HPN: variants seen among roughly 807,000 people sequenced by gnomAD.
The protein encoded by HPN is hepsin, also known as serine protease hepsin.
Under a neutral mutation model 55.9 loss-of-function variants are expected in HPN, and 13 were observed. That is an observed-to-expected ratio of 0.23 (90% confidence interval 0.15 to 0.37). The LOEUF (loss-of-function observed/expected upper bound fraction) is 0.37, where lower values mean the gene tolerates loss of function less well. HPN is among the 10% of genes least tolerant of loss of function. HPN has a pLI of 1.00. For synonymous variants in HPN, 225 were observed against 240.3 expected (o/e 0.94, Z 0.59); for missense variants, 451 against 575.8 (o/e 0.78, Z 2.22).
chr19:35,041,290 G>A (rs1246539989), upstream of HPN, among the ~76,000 whole-genome samples: 1 of 152,166 alleles, frequency 6.6e-6, no homozygotes, highest in Non-Finnish European at 1.5e-5. Flanking sequence ...GGAGAGGCTG[G>A]GGCTGGGGTT....
intron 4 of HPN, among the ~76,000 whole-genome samples, chr19:35,056,932 C>A (rs2151762198): frequency 6.6e-6 from 1 of 152,178 alleles, no homozygotes; most frequent in Admixed American, 6.5e-5. Flanking sequence ...TCTTTTCTTT[C>A]TGACTATAGG....
intron 10 of HPN, 70 bp from the exon 11 acceptor site, chr19:35,065,469 G>A: frequency 8.2e-6 from 13 of 1,583,994 alleles, no homozygotes; most frequent in Non-Finnish European, 1.1e-5. Context: ...GGGGAATGGG[G>A]TGGGCACCAG....
chr19:35,044,755 G>T (rs570481209), intron 2 of HPN, among the ~76,000 whole-genome samples: 1 of 152,192 alleles, frequency 6.6e-6, no homozygotes, highest in Non-Finnish European at 1.5e-5. Context: ...TGTCTGGGGG[G>T]TACTAGGGAG....
At chr19:35,051,583 G>A (rs1412942852) in intron 4 of HPN, among the ~76,000 whole-genome samples, 1 of 152,076 alleles carries the variant, frequency 6.6e-6, no homozygotes, top group Non-Finnish European at 1.5e-5. Flanking sequence ...AAGGCTGAGT[G>A]ACTTGCCCCA....
intron 2 of HPN, among the ~76,000 whole-genome samples, chr19:35,048,103 G>T (rs1054040079): frequency 8.5e-5 from 12 of 140,676 alleles, no homozygotes; most frequent in African/African-American, 3.2e-4. Context: ...GGAAGGAAAA[G>T]AAAAAAACTG....
chr19:35,063,785 TCA>T (rs566599369), intron 9 of HPN, among the ~76,000 whole-genome samples: 98 of 152,150 alleles, frequency 6.4e-4, no homozygotes, highest in South Asian at 5.0e-3. Flanking sequence ...GCTGAGGGGG[TCA>T]CAGCATGGGC....
rs1313009188 is a variant in HPN, at chr19:35,060,646, C to G, written c.640C>G (p.Arg214Gly). The change falls in exon 9 of 13, where the codon CGA becomes GGA. Residue 214 changes from arginine (R) to glycine (G), a missense_variant. By Grantham distance (125) the Arg-to-Gly change is moderately radical (BLOSUM62 -2). Around this residue, in one of 2 missense-constraint regions of HPN, gnomAD observed 378 missense variants for 445.5 expected, o/e 0.85. Coordinates refer to ENST00000672452, the MANE Select transcript of HPN (RefSeq NM_001384133.1). Reference sequence around the variant, plus strand: ...TGGTAGGCGGAACCGGGTCCTGTCCCGATGGCGAGTGTTTGCCGGTGCCGT... The same window carrying G: ...TGGTAGGCGGAACCGGGTCCTGTCCGGATGGCGAGTGTTTGCCGGTGCCGT... ...CFPERNRVLS[R>G]WRVFAGAVAQ... 9.3e-6 allele frequency: 15 copies of G among 1,613,920 alleles called. No homozygotes were observed. The highest frequency in any genetic ancestry group is 1.2e-5 in the Non-Finnish European group (14 of 1,180,050).
chr19:35,059,842 T>A (rs1404697205), intron 5 of HPN, 32 bp from the exon 6 acceptor site: 1 of 1,523,492 alleles, frequency 6.6e-7, no homozygotes, highest in Admixed American at 2.1e-5. Flanking sequence ...CGGGAGGGGC[T>A]GGGGAGCAGG....
chr19:35,058,085 A>G (rs974575213), intron 4 of HPN, among the ~76,000 whole-genome samples: 6 of 151,578 alleles, frequency 4.0e-5, no homozygotes, highest in African/African-American at 1.5e-4. Flanking sequence ...CCCGGGAGGC[A>G]GAGGTTGCAG....
intron 11 of HPN, 42 bp downstream of exon 11, chr19:35,065,723 C>A: frequency 6.2e-7 from 1 of 1,611,898 alleles, no homozygotes; most frequent in Non-Finnish European, 8.5e-7. Context: ...CGCTGCCACC[C>A]CAGGGATGGA....
At chr19:35,060,235 C>T in intron 7 of HPN, 66 bp downstream of exon 7, 1 of 1,609,234 alleles carries the variant, frequency 6.2e-7, no homozygotes. Flanking sequence ...CCTCAAGCTC[C>T]CCAGGATGGG....
At chr19:35,046,432 G>A (rs969916288) in intron 2 of HPN, among the ~76,000 whole-genome samples, 4 of 151,944 alleles carry the variant, frequency 2.6e-5, no homozygotes, top group South Asian at 2.1e-4. Flanking sequence ...TTTAGTAGAG[G>A]CGGGGTTTCA....
chr19:35,047,646 C>T (rs931938974), intron 2 of HPN, among the ~76,000 whole-genome samples: 1 of 152,140 alleles, frequency 6.6e-6, no homozygotes, highest in Non-Finnish European at 1.5e-5. Flanking sequence ...AGGTGCCAGG[C>T]ACACAGCGGA....
At chr19:35,043,358 G>C (rs13347050) in intron 2 of HPN, among the ~76,000 whole-genome samples, 1 of 152,170 alleles carries the variant, frequency 6.6e-6, no homozygotes, top group Non-Finnish European at 1.5e-5. Flanking sequence ...GGCGCATGGA[G>C]GGGCGTCCTG....
chr19:35,048,415 G>A (rs1406263520), intron 2 of HPN, among the ~76,000 whole-genome samples: 2 of 152,234 alleles, frequency 1.3e-5, no homozygotes, highest in African/African-American at 4.8e-5. Flanking sequence ...TTAGAACGGT[G>A]CTTAGCACCT....
At chr19:35,052,909 C>A (rs34807860) in intron 4 of HPN, among the ~76,000 whole-genome samples, 20,922 of 152,170 alleles carry the variant, frequency 0.14, 1,474 homozygotes, top group African/African-American at 0.18. Flanking sequence ...ACCACTCACA[C>A]CCGGCTCTGG....
intron 10 of HPN, 75 bp downstream of exon 10, chr19:35,065,420 G>A (rs2064594828): frequency 6.4e-7 from 1 of 1,561,760 alleles, no homozygotes; most frequent in African/African-American, 1.4e-5. Context: ...CAGTCTGGCT[G>A]GTTGGATGAG....
intron 9 of HPN, 35 bp from the exon 10 acceptor site, chr19:35,065,215 C>T (rs1167512867): frequency 2.0e-6 from 3 of 1,517,130 alleles, no homozygotes; most frequent in African/African-American, 2.7e-5. Flanking sequence ...TGGGGCAGGC[C>T]AGCGGGGGCT....
At chr19:35,047,032 G>C (rs1432943900) in intron 2 of HPN, among the ~76,000 whole-genome samples, 2 of 152,092 alleles carry the variant, frequency 1.3e-5, no homozygotes, top group Non-Finnish European at 2.9e-5. Flanking sequence ...GTTTCACCGT[G>C]TTAGCCAGGA....
Sources: gnomAD v4.1 joint callset for allele counts (sites outside exome capture counted in the v4.1 genomes callset) on GRCh38, gnomAD v4.1.1 for gene constraint, gnomAD v4.1.1 regional missense constraint, MANE v1.5 for transcripts, NCBI Gene and HGNC (gene_info 2026-07-23, HGNC 2026-07-21) for gene names.